The following ARHGAP21 variants were observed in gnomAD, a reference collection of about 807,000 sequenced individuals.
The protein encoded by ARHGAP21 is Rho GTPase activating protein 21, also known as rho GTPase-activating protein 21.
In ARHGAP21, 38 loss-of-function variants were observed where a neutral mutation model predicts 164.6. The ratio of observed to expected loss-of-function variants is 0.23; its 90% CI spans 0.18 to 0.30. The LOEUF is 0.30. Among genes scored for constraint, ARHGAP21 ranks in the 10% least tolerant of loss-of-function variants. The pLI is 1.00. For synonymous variants in ARHGAP21, 766 were observed against 857.9 expected (o/e 0.89, Z 1.87); for missense variants, 1,822 against 2,370.7 (o/e 0.77, Z 4.81).
chr10:24,589,184 A>G, intron 25 of ARHGAP21, 87 bp downstream of exon 25: 3 of 1,118,418 alleles, frequency 2.7e-6, no homozygotes, highest in Non-Finnish European at 4.1e-6. Flanking sequence ...TTAGACATAG[A>G]GAGGAATGCA....
At chr10:24,715,698 T>C (rs1845307582) in intron 2 of ARHGAP21, among the ~76,000 whole-genome samples, 1 of 152,200 alleles carries the variant, frequency 6.6e-6, no homozygotes, top group Admixed American at 6.5e-5. Flanking sequence ...ATACTGTACA[T>C]ATTTTATATA....
chr10:24,595,871 C>CAAAT lies in ARHGAP21; in HGVS notation c.3633+13_3633+16dup. ...GGGGGAAAAAAAAGGATCAGTTATT[C>CAAAT]AAATAAGCAAACTTACATCATCTTG... is the stretch of plus-strand genomic sequence containing the variant. On this transcript the variant is annotated intron_variant, in intron 18 of 25. Transcript: ENST00000396432. The CAAAT allele has an allele frequency of 6.2e-7, 1 of 1,611,150 alleles. No individual in the cohort carries two copies. Among genetic ancestry groups the CAAAT allele is most frequent in the Non-Finnish European group, 8.5e-7 (1 of 1,178,864 alleles).
chr10:24,623,746 G>A (rs1834810077), intron 7 of ARHGAP21, among the ~76,000 whole-genome samples: 2 of 152,210 alleles, frequency 1.3e-5, no homozygotes, highest in African/African-American at 2.4e-5. Context: ...GGGCCACTTG[G>A]CAAGCTTTTT....
chr10:24,718,952 T>TA (rs1252115309), intron 2 of ARHGAP21, among the ~76,000 whole-genome samples: 9 of 151,226 alleles, frequency 6.0e-5, no homozygotes, highest in Middle Eastern at 3.4e-3. Flanking sequence ...TTCTTTGGCT[T>TA]AAAAAAAAAG....
intron 2 of ARHGAP21, among the ~76,000 whole-genome samples, chr10:24,685,159 T>C (rs1842100737): frequency 6.6e-6 from 1 of 152,210 alleles, no homozygotes; most frequent in Admixed American, 6.5e-5. Flanking sequence ...TAATAATAAA[T>C]ATTCAAATTT....
chr10:24,722,874 C>G (rs1216200325), intron 1 of ARHGAP21: 2 of 151,836 alleles, frequency 1.3e-5, no homozygotes, highest in African/African-American at 4.8e-5. Flanking sequence ...GCGGGTGGGA[C>G]GCCGGCGCCG....
chr10:24,596,273 A>G, intron 17 of ARHGAP21: 1 of 452,304 alleles, frequency 2.2e-6, no homozygotes, highest in Non-Finnish European at 3.8e-6. Context: ...CAGAGAGATA[A>G]CATTCTAAAA....
rs1834527808 is a variant in ARHGAP21 at position 24,621,387 on chromosome 10, G to A, written c.526-18C>T. The A allele has an allele frequency of 6.5e-7, 1 of 1,544,718 alleles. No individual in the cohort carries two copies. Among genetic ancestry groups the A allele is most frequent in the Middle Eastern group, 1.7e-4 (1 of 5,776 alleles). ...GAATATGCCTGTATAGAAATGAGAG[G>A]AAGGTGTCACTGGAAATTCATAAAA... is the stretch of plus-strand genomic sequence containing the variant. On this transcript the variant is annotated intron_variant, in intron 8 of 25. Coordinates refer to ENST00000396432, the MANE Select transcript of ARHGAP21 (RefSeq NM_020824.4).
chr10:24,638,670 T>A (rs1364058282), intron 4 of ARHGAP21, among the ~76,000 whole-genome samples: 3 of 152,214 alleles, frequency 2.0e-5, no homozygotes, highest in Non-Finnish European at 4.4e-5. Context: ...TGAGAACACA[T>A]GGGACATGTT....
At chr10:24,645,288 C>A (rs1259051811) in intron 4 of ARHGAP21, among the ~76,000 whole-genome samples, 1 of 152,138 alleles carries the variant, frequency 6.6e-6, no homozygotes, top group African/African-American at 2.4e-5. Context: ...AAACTGACTT[C>A]AAAAAGTTCC....
intron 9 of ARHGAP21, among the ~76,000 whole-genome samples, chr10:24,612,005 A>C (rs140831964): frequency 9.8e-5 from 15 of 152,300 alleles, no homozygotes; most frequent in Non-Finnish European, 1.9e-4. Context: ...AGAGCAAAAA[A>C]AAGTCCCTTC....
intron 2 of ARHGAP21, among the ~76,000 whole-genome samples, chr10:24,679,889 C>T (rs906482578): frequency 4.5e-4 from 69 of 152,234 alleles, no homozygotes; most frequent in African/African-American, 9.9e-4. Flanking sequence ...CCCATTAACT[C>T]GTCATTTAAC....
intron 24 of ARHGAP21, 34 bp from the exon 25 acceptor site, chr10:24,589,336 A>T: frequency 3.2e-6 from 5 of 1,585,250 alleles, no homozygotes; most frequent in Non-Finnish European, 4.3e-6. Flanking sequence ...GGTCAGTATT[A>T]GCCAATCTTT....
intron 4 of ARHGAP21, among the ~76,000 whole-genome samples, chr10:24,652,527 T>C (rs1418684476): frequency 1.3e-5 from 2 of 152,140 alleles, no homozygotes; most frequent in African/African-American, 4.8e-5. Context: ...AAATTACTAA[T>C]ACGAAACTGA....
intron 4 of ARHGAP21, among the ~76,000 whole-genome samples, chr10:24,646,961 T>C (rs1837630221): frequency 6.6e-6 from 1 of 152,198 alleles, no homozygotes; most frequent in South Asian, 2.1e-4. Context: ...AGAGGAGAAA[T>C]TAATATTCTG....
intron 2 of ARHGAP21, among the ~76,000 whole-genome samples, chr10:24,681,910 T>C (rs938976920): frequency 1.3e-5 from 2 of 152,122 alleles, no homozygotes; most frequent in Non-Finnish European, 2.9e-5. Context: ...GGGAAGGACA[T>C]GCACTCTGAC....
At chr10:24,607,436 G>A (rs563918144) in intron 11 of ARHGAP21, 63 bp downstream of exon 11, 4 of 1,363,296 alleles carry the variant, frequency 2.9e-6, no homozygotes, top group East Asian at 2.3e-5. Context: ...GAACTTATGT[G>A]TCAAGGTCAT....
At chr10:24,638,390 G>A (rs1040598872) in intron 4 of ARHGAP21, among the ~76,000 whole-genome samples, 42 of 152,152 alleles carry the variant, frequency 2.8e-4, no homozygotes, top group African/African-American at 8.7e-4. Flanking sequence ...TTTAAGATAT[G>A]TGCTCCGCAA....
At chr10:24,650,181 A>G (rs181513200) in intron 4 of ARHGAP21, among the ~76,000 whole-genome samples, 455 of 152,306 alleles carry the variant, frequency 3.0e-3, no homozygotes, top group African/African-American at 0.011. Context: ...TATTTCACAG[A>G]AAAAAGGAGA....
Sources: allele counts gnomAD v4.1 joint callset (sites outside exome capture counted in the v4.1 genomes callset), GRCh38; gene constraint gnomAD v4.1.1; transcripts MANE v1.5; gene names NCBI Gene and HGNC (gene_info 2026-07-23, HGNC 2026-07-21).